Variants in FRMD7 observed in about 807,000 individuals in gnomAD.
FRMD7 encodes FERM domain containing 7.
In FRMD7, 14 loss-of-function variants were observed where a neutral mutation model predicts 44.1. The observed-to-expected ratio is 0.32, with a 90% CI of 0.21 to 0.50. The LOEUF (loss-of-function observed/expected upper bound fraction) is 0.50, where lower values mean the gene tolerates loss of function less well. Among genes scored for constraint, FRMD7 ranks in the 20% least tolerant of loss-of-function variants. The pLI is 0.99. For missense variants in FRMD7, 501 were observed against 522.3 expected, an observed-to-expected ratio of 0.96 and a Z score of 0.40; for synonymous variants, 212 against 187.4, an observed-to-expected ratio of 1.13 and a Z score of -1.07.
intron 1 of FRMD7, among the ~76,000 whole-genome samples, chrX:132,114,793 C>G (rs1388403668): frequency 8.9e-6 from 1 of 112,287 alleles, no homozygotes; most frequent in Non-Finnish European, 1.9e-5. Flanking sequence ...GAGGCCCCTG[C>G]CTCAGTCTTG....
chrX:132,103,505 T>C (rs6637938), intron 1 of FRMD7, among the ~76,000 whole-genome samples: 7,242 of 109,275 alleles, frequency 0.066, 193 homozygotes, highest in African/African-American at 0.098. Flanking sequence ...TCTATCTATC[T>C]ATCTATCTAT....
At chrX:132,115,760 G>A (rs1359539456) in intron 1 of FRMD7, among the ~76,000 whole-genome samples, 2 of 110,917 alleles carry the variant, frequency 1.8e-5, no homozygotes, top group African/African-American at 6.6e-5. Flanking sequence ...TCTCAATGTC[G>A]AATTTGACAT....
chrX:132,085,736 G>T lies in FRMD7; in HGVS notation c.498-8C>A, dbSNP rs1927964282. The stretch of plus-strand genomic sequence containing the variant: ...TCAGCTGGGCTCCTGCCACTGAAAG[G>T]GGAAAGAATTTATGAGCCTAATAAA... On this transcript the variant is annotated splice_polypyrimidine_tract_variant and splice_region_variant and intron_variant, in intron 6 of 11. Coordinates refer to ENST00000298542, the MANE Select transcript of FRMD7 (RefSeq NM_194277.3). 1 of 1,204,450 alleles carries T rather than the reference G, an allele frequency of 8.3e-7. No homozygotes were observed. The highest frequency in any genetic ancestry group is 1.1e-6 in the Non-Finnish European group (1 of 890,371).
intron 1 of FRMD7, among the ~76,000 whole-genome samples, chrX:132,104,554 G>A (rs868109658): frequency 9.0e-6 from 1 of 111,125 alleles, no homozygotes; most frequent in Non-Finnish European, 1.9e-5. Context: ...TTAGCTGTGC[G>A]TGGTGGCGGG....
At chrX:132,091,906 A>T (rs1288533205) in intron 5 of FRMD7, among the ~76,000 whole-genome samples, 2 of 111,701 alleles carry the variant, frequency 1.8e-5, no homozygotes, top group East Asian at 5.6e-4. Context: ...AAAAATATAA[A>T]TATTCAGTAT....
intron 1 of FRMD7, among the ~76,000 whole-genome samples, chrX:132,112,225 T>C (rs1285551041): frequency 8.9e-6 from 1 of 111,792 alleles, no homozygotes; most frequent in Non-Finnish European, 1.9e-5. Context: ...ACTGTAACCC[T>C]TCCTGGGGTT....
At chrX:132,094,460 A>G (rs1299042663) in intron 4 of FRMD7, among the ~76,000 whole-genome samples, 2 of 112,171 alleles carry the variant, frequency 1.8e-5, no homozygotes, top group Admixed American at 9.4e-5. Context: ...TCCCAGCTAG[A>G]AAGAATAGGA....
intron 1 of FRMD7, among the ~76,000 whole-genome samples, chrX:132,117,170 T>G (rs1008451809): frequency 8.9e-6 from 1 of 112,080 alleles, no homozygotes; most frequent in African/African-American, 3.2e-5. Context: ...CCATTACTAT[T>G]TAGGTTGGAA....
At chrX:132,087,485 T>C (rs1360596509) in intron 5 of FRMD7, among the ~76,000 whole-genome samples, 2 of 111,276 alleles carry the variant, frequency 1.8e-5, no homozygotes, top group Admixed American at 1.9e-4. Context: ...AATAAAAATC[T>C]CCATATAATA....
chrX:132,085,876 G>C, intron 6 of FRMD7, 44 bp downstream of exon 6: 16 of 1,037,647 alleles, frequency 1.5e-5, no homozygotes, highest in Non-Finnish European at 2.2e-5. Flanking sequence ...CCCAATTTTA[G>C]TGTTCTCTAC....
At chrX:132,086,740 T>G (rs1025735380) in intron 5 of FRMD7, among the ~76,000 whole-genome samples, 2 of 111,710 alleles carry the variant, frequency 1.8e-5, no homozygotes, top group Admixed American at 9.5e-5. Context: ...TTCTGGCATT[T>G]AAGCCATTCA....
Position 132,077,693 on chromosome X carries a change from G to T in FRMD7, c.*179C>A, listed in dbSNP as rs1927646750. On this transcript the variant is annotated 3_prime_UTR_variant, in exon 12 of 12. Transcript: ENST00000298542. Reference sequence around the variant, plus strand: ...TAAAGTCCCTTCAGAGGTAATGGAAGAGTGAAACTCAAGGAATGAGGCAAC... The same window carrying T: ...TAAAGTCCCTTCAGAGGTAATGGAATAGTGAAACTCAAGGAATGAGGCAAC... The T allele has an allele frequency of 1.6e-6, 1 of 617,657 alleles. No homozygotes were observed. Among genetic ancestry groups the T allele is most frequent in the Admixed American group, 3.6e-5 (1 of 28,023 alleles). 50.9% of individuals were successfully genotyped at this position (617,657 alleles called of 1,213,427 possible). A position where few individuals can be genotyped will look rare whatever the true frequency, so the allele number is the denominator to read the frequency against.
chrX:132,080,258 G>A lies in FRMD7; in HGVS notation c.914C>T (p.Thr305Ile). 8.4e-7 allele frequency: 1 copy of A among 1,184,514 alleles called. No individual in the cohort carries two copies. The highest frequency in any genetic ancestry group is 1.1e-6 in the Non-Finnish European group (1 of 870,884). Residue 305 changes from threonine (T) to isoleucine (I), a missense_variant, in exon 10 of 12, where the codon ACC (threonine) becomes ATC (isoleucine). By Grantham distance (89) the Thr-to-Ile change is moderately conservative. Coordinates refer to ENST00000298542, the MANE Select transcript of FRMD7 (RefSeq NM_194277.3). ...KGSSFRYSGR[T>I]QRQLLEYGRK... ...CCCATATTCCAAAAGTTGCCTTTGGGTTCGTCCACTATCATAAGGAACAAT... is the reference window on the plus strand; with the variant it reads ...CCCATATTCCAAAAGTTGCCTTTGGATTCGTCCACTATCATAAGGAACAAT...
intron 1 of FRMD7, among the ~76,000 whole-genome samples, chrX:132,117,352 C>A (rs1227972795): frequency 9.0e-6 from 1 of 111,401 alleles, no homozygotes; most frequent in Non-Finnish European, 1.9e-5. Flanking sequence ...TCATGTACAG[C>A]AACTGTTTTT....
rs368404774 is a variant in FRMD7, at chrX:132,082,376, T to C, written c.892A>G (p.Ser298Gly). Residue 298 changes from serine (S) to glycine (G), a missense_variant, in exon 9 of 12, where the codon AGT (serine) becomes GGT (glycine). Transcript: ENST00000298542. ...TTGTTTAATTACCTATAGCGGAAAC[T>C]GGAACCCTTGCTGCAGAGTAGGGTT... ...PKTLLCSKGSSFRYSGRTQRQ... is the reference protein window; with the variant it reads ...PKTLLCSKGSGFRYSGRTQRQ... 2.6e-5 allele frequency: 31 copies of C among 1,208,339 alleles called. 1 individual carries two copies. The highest frequency in any genetic ancestry group is 3.5e-5 in the Non-Finnish European group (31 of 893,526).
intron 4 of FRMD7, among the ~76,000 whole-genome samples, chrX:132,095,852 T>G (rs1928315968): frequency 8.9e-6 from 1 of 112,485 alleles, no homozygotes; most frequent in Non-Finnish European, 1.9e-5. Flanking sequence ...CAGCTTTAGT[T>G]GCTAAAGGAA....
Position 132,082,448 on chromosome X carries a change from A to G in FRMD7, c.820T>C (p.Tyr274His). 1.7e-6 allele frequency: 2 copies of G among 1,209,344 alleles called. No individual in the cohort carries two copies. Among genetic ancestry groups the G allele is most frequent in the South Asian group, 1.8e-5 (1 of 56,968 alleles). ...CKAFWKTCVE[Y>H]HAFFRLSEEP... ...TCCGAAAGCCTGAAGAAAGCATGGT[A>G]TTCCACACAAGTCTTCCAGAAAGCC... is the stretch of plus-strand genomic sequence containing the variant. Residue 274 changes from tyrosine to histidine, a missense_variant, in exon 9 of 12, where the codon TAC becomes CAC. Transcript: ENST00000298542.
Position 132,078,376 on chromosome X carries a change from C to A in FRMD7, c.1641G>T (p.Leu547=). Residue 547 remains leucine, a synonymous_variant, in exon 12 of 12, where the codon CTG becomes CTT. Transcript: ENST00000298542. ...TGGCTATAGCTTCTTGGAGTACTTG[C>A]AGGTCTTGCTGAAAGCTCTTCATTC... ...NIRMKSFQQD[L]QVLQEAIART... The A allele has an allele frequency of 8.3e-7, 1 of 1,211,286 alleles. No individual in the cohort carries two copies. The highest frequency in any genetic ancestry group is 1.8e-5 in the South Asian group (1 of 56,982).
chrX:132,124,678 A>G, intron 1 of FRMD7, among the ~76,000 whole-genome samples: 1 of 112,367 alleles, frequency 8.9e-6, no homozygotes, highest in East Asian at 2.8e-4. Flanking sequence ...ACTCTTTCTA[A>G]TAAACTAACT....
Sources: allele counts gnomAD v4.1 joint callset (sites outside exome capture counted in the v4.1 genomes callset), GRCh38; gene constraint gnomAD v4.1.1; transcripts MANE v1.5; gene names NCBI Gene and HGNC (gene_info 2026-07-23, HGNC 2026-07-21).